Variants in TRAF3IP1 observed in about 807,000 individuals in gnomAD.
TRAF3IP1 encodes TRAF3-interacting protein 1.
Under a neutral mutation model 89.9 loss-of-function variants are expected in TRAF3IP1, and 53 were observed. That is an observed-to-expected ratio of 0.59 (90% CI 0.47 to 0.74). The LOEUF is 0.74. TRAF3IP1 is among the 30% of genes least tolerant of loss of function. The pLI is 0.00. For synonymous variants in TRAF3IP1, 311 were observed against 322.1 expected, an observed-to-expected ratio of 0.97 and a Z score of 0.37; for missense variants, 806 against 866.1, an observed-to-expected ratio of 0.93 and a Z score of 0.87.
chr2:238,364,130 C>T (rs1389174769), intron 15 of TRAF3IP1, among the ~76,000 whole-genome samples: 1 of 151,906 alleles, frequency 6.6e-6, no homozygotes, highest in African/African-American at 2.4e-5. Flanking sequence ...TGTGGTGTGC[C>T]CTTCCTTAGT....
At position 238,350,350 on chromosome 2, in the gene TRAF3IP1, G is replaced by A. The variant is rs115041837; in HGVS notation, c.1451+942G>A. Among the ~76,000 whole-genome samples, 610 of 152,322 alleles carry A rather than the reference G, an allele frequency of 4.0e-3. 3 individuals carry two copies. The highest frequency in any genetic ancestry group is 0.014 in the African/African-American group (592 of 41,560). ...GGGTTTGGTGGAGCAGAGTCCCCGTGTGGGTGTGGGAACGGGCGCGGAGGT... is the reference window on the plus strand; with the variant it reads ...GGGTTTGGTGGAGCAGAGTCCCCGTATGGGTGTGGGAACGGGCGCGGAGGT... On this transcript the variant is annotated intron_variant, in intron 12 of 16. Transcript: ENST00000373327.
intron 15 of TRAF3IP1, among the ~76,000 whole-genome samples, chr2:238,382,108 C>T (rs996622701): frequency 6.6e-6 from 1 of 152,084 alleles, no homozygotes; most frequent in Non-Finnish European, 1.5e-5. Flanking sequence ...GGAGGAAACA[C>T]CAAAGCCATG....
At chr2:238,372,944 C>G (rs1700168450) in intron 15 of TRAF3IP1, among the ~76,000 whole-genome samples, 1 of 152,176 alleles carries the variant, frequency 6.6e-6, no homozygotes, top group African/African-American at 2.4e-5. Context: ...TGAGAAGTGT[C>G]TGTTCATATC....
At chr2:238,376,712 A>G (rs1284762661) in intron 15 of TRAF3IP1, among the ~76,000 whole-genome samples, 2 of 152,204 alleles carry the variant, frequency 1.3e-5, no homozygotes, top group African/African-American at 4.8e-5. Context: ...TAAATACTGT[A>G]TATTTATTTA....
chr2:238,342,456 A>C (rs1698706021), intron 8 of TRAF3IP1, among the ~76,000 whole-genome samples: 1 of 152,102 alleles, frequency 6.6e-6, no homozygotes, highest in Non-Finnish European at 1.5e-5. Context: ...GGTTTAGTAA[A>C]GCTTACATAA....
chr2:238,334,057 T>A, intron 7 of TRAF3IP1, 22 bp downstream of exon 7: 2 of 1,552,818 alleles, frequency 1.3e-6, no homozygotes, highest in Non-Finnish European at 1.8e-6. Flanking sequence ...CTTATATATG[T>A]AGCTGAAAAT....
chr2:238,389,055 C>A (rs1273387151), intron 15 of TRAF3IP1, among the ~76,000 whole-genome samples: 1 of 152,030 alleles, frequency 6.6e-6, no homozygotes, highest in Non-Finnish European at 1.5e-5. Flanking sequence ...TACAATTAAT[C>A]AGGCTTTTGT....
At chr2:238,392,923 C>T (rs1355174242) in intron 15 of TRAF3IP1, among the ~76,000 whole-genome samples, 2 of 152,314 alleles carry the variant, frequency 1.3e-5, no homozygotes, top group East Asian at 1.9e-4. Context: ...TGTGGATGCA[C>T]CACAGTTTAG....
At chr2:238,378,136 C>G (rs1295792803) in intron 15 of TRAF3IP1, among the ~76,000 whole-genome samples, 1 of 151,834 alleles carries the variant, frequency 6.6e-6, no homozygotes, top group African/African-American at 2.4e-5. Context: ...TGGCTTTTGG[C>G]TTTGTTGTTC....
intron 8 of TRAF3IP1, among the ~76,000 whole-genome samples, chr2:238,342,092 G>C (rs571975514): frequency 6.6e-6 from 1 of 152,178 alleles, no homozygotes; most frequent in Non-Finnish European, 1.5e-5. Flanking sequence ...AGGTTCAGGG[G>C]ATTCTCATGT....
Position 238,390,394 on chromosome 2 carries a change from A to C in TRAF3IP1, c.1690-7065A>C, listed in dbSNP as rs967887300. ...TTCTTAAAATGGAGATGGAGAAGGA[A>C]GTGTGTCGATGAGGAAGGTAAATTA... is the stretch of plus-strand genomic sequence containing the variant. On this transcript the variant is annotated intron_variant, in intron 15 of 16. Transcript: ENST00000373327. Among the ~76,000 whole-genome samples the C allele has an allele frequency of 3.3e-5, 5 of 152,202 alleles. No individual in the cohort carries two copies. The East Asian group carries it at 7.7e-4, about 23-fold the overall frequency.
intron 5 of TRAF3IP1, among the ~76,000 whole-genome samples, 159 bp downstream of exon 5, chr2:238,329,501 G>C (rs1187140696): frequency 6.6e-6 from 1 of 152,286 alleles, no homozygotes; most frequent in South Asian, 2.1e-4. Flanking sequence ...AACCCAAAGA[G>C]ATACTTATTT....
intron 15 of TRAF3IP1, among the ~76,000 whole-genome samples, chr2:238,392,701 C>T (rs1701046814): frequency 6.6e-6 from 1 of 152,310 alleles, no homozygotes; most frequent in Admixed American, 6.5e-5. Flanking sequence ...CTCAGCCTCC[C>T]GAGTAGCTGG....
At chr2:238,376,123 T>C (rs950167863) in intron 15 of TRAF3IP1, among the ~76,000 whole-genome samples, 1 of 152,230 alleles carries the variant, frequency 6.6e-6, no homozygotes, top group African/African-American at 2.4e-5. Context: ...AACTTTGTTA[T>C]TGTAGTGTAA....
intron 15 of TRAF3IP1, among the ~76,000 whole-genome samples, chr2:238,393,271 G>A (rs563558639): frequency 2.2e-4 from 34 of 152,088 alleles, no homozygotes; most frequent in Non-Finnish European, 8.8e-5. Flanking sequence ...GTTTGAATTC[G>A]CATTTCCCTA....
At chr2:238,363,611 A>G (rs570736361) in intron 15 of TRAF3IP1, among the ~76,000 whole-genome samples, 3 of 152,278 alleles carry the variant, frequency 2.0e-5, no homozygotes, top group African/African-American at 7.2e-5. Context: ...TTCTAGACAT[A>G]CTTCAGGTCC....
rs1272425388 is a variant in TRAF3IP1 at position 238,345,841 on chromosome 2, G to C, written c.1261+1243G>C. The stretch of plus-strand genomic sequence containing the variant: ...GGACGAGATTGTGAGTGCAGGAGCT[G>C]GCAGAGCACTGGCGCTGTGGAAGCA... On this transcript the variant is annotated intron_variant, in intron 9 of 16. Coordinates refer to ENST00000373327, the MANE Select transcript of TRAF3IP1 (RefSeq NM_015650.4). The surrounding 1 kb of genome is among the most constrained non-coding windows in gnomAD (Gnocchi z 4.7). Among the ~76,000 whole-genome samples, 1 of 152,118 alleles carries C rather than the reference G, an allele frequency of 6.6e-6. No individual in the cohort carries two copies.
rs192619525 is a variant in TRAF3IP1, at chr2:238,397,421, G to A, written c.1690-38G>A. 3.4e-4 allele frequency: 535 copies of A among 1,594,756 alleles called. 1 individual carries two copies. In the African/African-American group the frequency reaches 6.3e-3, roughly 19 times the overall value. On this transcript the variant is annotated intron_variant, in intron 15 of 16. Coordinates refer to ENST00000373327, the MANE Select transcript of TRAF3IP1 (RefSeq NM_015650.4). Reference sequence around the variant, plus strand: ...CGGCCCTGTTCTGCCTTTGGACTGAGGAGGCGTGTTCCTCTTCCTATGTCT... The same window carrying A: ...CGGCCCTGTTCTGCCTTTGGACTGAAGAGGCGTGTTCCTCTTCCTATGTCT...
intron 15 of TRAF3IP1, among the ~76,000 whole-genome samples, chr2:238,381,835 C>T (rs1024001382): frequency 2.2e-4 from 34 of 151,992 alleles, no homozygotes; most frequent in African/African-American, 6.3e-4. Flanking sequence ...TCATGCTCTA[C>T]GAATTTAAAA....
Sources: gnomAD v4.1 joint callset for allele counts (sites outside exome capture counted in the v4.1 genomes callset) on GRCh38, gnomAD v4.1.1 for gene constraint, Gnocchi (gnomAD v3.1) non-coding constraint, MANE v1.5 for transcripts, NCBI Gene and HGNC (gene_info 2026-07-23, HGNC 2026-07-21) for gene names.